The following NRG3 variants were observed in gnomAD, a reference collection of about 807,000 sequenced individuals.
NRG3 encodes neuregulin 3.
Under a neutral mutation model 66.9 loss-of-function variants are expected in NRG3, and 31 were observed. That is an observed-to-expected ratio of 0.46 (90% CI 0.35 to 0.63). The LOEUF is 0.63. Ranked by LOEUF, NRG3 falls within the 20% of genes least tolerant of loss-of-function variation. The pLI, the probability that NRG3 is intolerant of heterozygous loss-of-function variation, is 0.00. For missense variants in NRG3, 910 were observed against 878.9 expected, an observed-to-expected ratio of 1.04 and a Z score of -0.45; for synonymous variants, 393 against 359.4, an observed-to-expected ratio of 1.09 and a Z score of -1.06.
intron 1 of NRG3, among the ~76,000 whole-genome samples, chr10:81,936,640 T>C (rs776363799): frequency 4.6e-5 from 7 of 152,016 alleles, no homozygotes; most frequent in Non-Finnish European, 1.0e-4. Flanking sequence ...TGATTAGGGA[T>C]ATTATTTTGG....
chr10:82,198,144 A>T (rs946110374), intron 1 of NRG3, among the ~76,000 whole-genome samples: 1 of 152,214 alleles, frequency 6.6e-6, no homozygotes, highest in Non-Finnish European at 1.5e-5. Context: ...TTTTATTTTC[A>T]TTAAAAAATA....
intron 4 of NRG3, among the ~76,000 whole-genome samples, chr10:82,878,022 G>A (rs1451045967): frequency 2.0e-5 from 3 of 152,096 alleles, no homozygotes; most frequent in African/African-American, 7.2e-5. Flanking sequence ...GTAAATCCTG[G>A]GATAAAGGGA....
At chr10:82,381,393 A>G (rs1360103170) in intron 2 of NRG3, among the ~76,000 whole-genome samples, 1 of 152,178 alleles carries the variant, frequency 6.6e-6, no homozygotes, top group Non-Finnish European at 1.5e-5. Context: ...ATGCTTATTT[A>G]ATCCTTATAA....
intron 2 of NRG3, among the ~76,000 whole-genome samples, chr10:82,359,396 A>G (rs1348926588): frequency 6.6e-6 from 1 of 152,162 alleles, no homozygotes; most frequent in African/African-American, 2.4e-5. Context: ...CTCTGATGAA[A>G]CACTCTCCAG....
At chr10:82,389,136 C>A (rs936676070) in intron 2 of NRG3, among the ~76,000 whole-genome samples, 1 of 152,138 alleles carries the variant, frequency 6.6e-6, no homozygotes, top group African/African-American at 2.4e-5. Flanking sequence ...AGCATCAGAA[C>A]CTTCATTTAA....
At chr10:82,649,109 G>A (rs1437975148) in intron 2 of NRG3, among the ~76,000 whole-genome samples, 1 of 152,134 alleles carries the variant, frequency 6.6e-6, no homozygotes, top group African/African-American at 2.4e-5. Flanking sequence ...ACATAGTGTT[G>A]GAAGTTCTGG....
intron 1 of NRG3, among the ~76,000 whole-genome samples, chr10:82,323,456 G>A (rs974139501): frequency 5.3e-5 from 8 of 151,224 alleles, no homozygotes; most frequent in African/African-American, 1.9e-4. Context: ...TCACATACGT[G>A]GGATAAACCT....
At chr10:82,100,569 A>G (rs1476926633) in intron 1 of NRG3, among the ~76,000 whole-genome samples, 2 of 151,930 alleles carry the variant, frequency 1.3e-5, no homozygotes, top group African/African-American at 4.8e-5. Flanking sequence ...GTTCCCATCT[A>G]TTTTAGTGTT....
intron 3 of NRG3, among the ~76,000 whole-genome samples, chr10:82,802,803 C>A (rs958500243): frequency 2.6e-5 from 4 of 152,048 alleles, no homozygotes; most frequent in African/African-American, 9.7e-5. Flanking sequence ...CAGGCACGCA[C>A]CACCAAGCCC....
At chr10:82,383,993 A>G (rs2085806287) in intron 2 of NRG3, among the ~76,000 whole-genome samples, 2 of 152,104 alleles carry the variant, frequency 1.3e-5, no homozygotes, top group Non-Finnish European at 2.9e-5. Flanking sequence ...TTTAAAAACA[A>G]TTTTACTGCA....
intron 1 of NRG3, among the ~76,000 whole-genome samples, chr10:82,152,535 C>T (rs1433915836): frequency 1.3e-5 from 2 of 151,778 alleles, no homozygotes; most frequent in Non-Finnish European, 2.9e-5. Context: ...TGTGTGTTAT[C>T]GGGGACGTAG....
intron 2 of NRG3, among the ~76,000 whole-genome samples, chr10:82,732,672 G>T (rs561487837): frequency 6.6e-6 from 1 of 152,282 alleles, no homozygotes; most frequent in Non-Finnish European, 1.5e-5. Flanking sequence ...CACAGGTATT[G>T]TATCATTTAC....
At chr10:82,795,598 C>T (rs1465501709) in intron 3 of NRG3, among the ~76,000 whole-genome samples, 1 of 152,052 alleles carries the variant, frequency 6.6e-6, no homozygotes, top group African/African-American at 2.4e-5. Flanking sequence ...CTTCATTCTA[C>T]AAAACTGAAC....
intron 1 of NRG3, among the ~76,000 whole-genome samples, chr10:82,045,606 C>T (rs1301764584): frequency 1.4e-5 from 1 of 73,880 alleles, no homozygotes; most frequent in Admixed American, 1.7e-4. Flanking sequence ...CTTTTGTTGC[C>T]ATTGCTTTTG....
intron 2 of NRG3, among the ~76,000 whole-genome samples, chr10:82,596,491 A>G (rs1357874362): frequency 6.6e-6 from 1 of 152,142 alleles, no homozygotes; most frequent in Non-Finnish European, 1.5e-5. Flanking sequence ...TTCCATTTCA[A>G]ACTGGTTGGG....
At chr10:82,967,499 A>T (rs1286426255) in intron 6 of NRG3, among the ~76,000 whole-genome samples, 1 of 152,194 alleles carries the variant, frequency 6.6e-6, no homozygotes, top group Non-Finnish European at 1.5e-5. Flanking sequence ...TGGTTATACC[A>T]TACCTTTGCA....
chr10:82,790,728 ACC>A (rs1452504895), intron 3 of NRG3, among the ~76,000 whole-genome samples: 1 of 151,984 alleles, frequency 6.6e-6, no homozygotes, highest in Non-Finnish European at 1.5e-5. Context: ...GATTGATGGT[ACC>A]ACATAGTCTT....
At chr10:81,896,227 C>A (rs535146561) in intron 1 of NRG3, among the ~76,000 whole-genome samples, 1 of 152,140 alleles carries the variant, frequency 6.6e-6, no homozygotes, top group South Asian at 2.1e-4. Context: ...TATGATTGCT[C>A]CGGAAGCGTG....
intron 3 of NRG3, among the ~76,000 whole-genome samples, chr10:82,861,658 T>G (rs551217257): frequency 6.6e-6 from 1 of 152,322 alleles, no homozygotes; most frequent in African/African-American, 2.4e-5. Flanking sequence ...AAGCCATGCC[T>G]GAGTTGCACC....
Sources: gnomAD v4.1 joint callset for allele counts (sites outside exome capture counted in the v4.1 genomes callset) on GRCh38, gnomAD v4.1.1 for gene constraint, MANE v1.5 for transcripts, NCBI Gene and HGNC (gene_info 2026-07-23, HGNC 2026-07-21) for gene names.